The following STK38L variants were observed in gnomAD, a reference collection of about 807,000 sequenced individuals.
STK38L encodes serine/threonine-protein kinase 38-like.
In STK38L, 28 loss-of-function variants were observed where a neutral mutation model predicts 59.7. That is an observed-to-expected ratio of 0.47 (90% CI 0.35 to 0.64). The LOEUF is 0.64. Ranked by LOEUF, STK38L falls within the 30% of genes least tolerant of loss-of-function variation. The pLI is 0.01. For missense variants in STK38L, 314 were observed against 555.8 expected (o/e 0.56, Z 4.37); for synonymous variants, 162 against 176.8 (o/e 0.92, Z 0.66).
At chr12:27,292,850 AACCTC>A (rs1387352556) in intron 1 of STK38L, among the ~76,000 whole-genome samples, 11 of 152,228 alleles carry the variant, frequency 7.2e-5, no homozygotes, top group Non-Finnish European at 1.3e-4. Flanking sequence ...TGATGGAAGA[AACCTC>A]ATCTTCTATT....
rs76543792 is a variant in STK38L, at chr12:27,294,723, T to C, written c.-11-2987T>C. ...TCCTTCTTTGACCTTTTTTTTTTTT[T>C]CCAGTTAGAGACAGGGTCTTGCTCC... On this transcript the variant is annotated intron_variant, in intron 1 of 13. Transcript: ENST00000389032. Among the ~76,000 whole-genome samples, 31 of 149,976 alleles carry C rather than the reference T, an allele frequency of 2.1e-4. No individual in the cohort carries two copies. The Middle Eastern group carries it at 0.01, about 50-fold the overall frequency.
intron 2 of STK38L, 66 bp from the exon 3 acceptor site, chr12:27,302,071 G>T: frequency 1.0e-5 from 13 of 1,240,382 alleles, no homozygotes; most frequent in Admixed American, 2.1e-5. Context: ...ATAAATAAAT[G>T]TATATTTCTT....
At chr12:27,317,868 A>G in intron 10 of STK38L, 28 bp from the exon 11 acceptor site, 1 of 1,611,196 alleles carries the variant, frequency 6.2e-7, no homozygotes, top group Non-Finnish European at 8.5e-7. Context: ...AAAGCTGATG[A>G]AACATTTTTG....
In STK38L at chr12:27,312,564, G is replaced by A; in HGVS notation, c.409G>A (p.Ala137Thr). The change falls in exon 6 of 14, where the codon GCA (alanine) becomes ACA (threonine). Residue 137 changes from alanine (A) to threonine (T), a missense_variant. Around this residue, in one of 3 missense-constraint regions of STK38L, gnomAD observed 192 missense variants for 316.9 expected, o/e 0.61. Coordinates refer to ENST00000389032, the MANE Select transcript of STK38L (RefSeq NM_015000.4). ...ATTCATCTAGGTGGCCCATATCCGA[G>A]CAGAAAGAGATATTTTGGTAGAAGC... is the stretch of plus-strand genomic sequence containing the variant. Reference protein sequence around the residue: ...LEKEQVAHIRAERDILVEADG... With the variant: ...LEKEQVAHIRTERDILVEADG... The A allele has an allele frequency of 6.2e-7, 1 of 1,613,880 alleles. No individual in the cohort carries two copies.
intron 1 of STK38L, among the ~76,000 whole-genome samples, chr12:27,263,582 G>C (rs1043051358): frequency 1.3e-5 from 2 of 152,170 alleles, no homozygotes; most frequent in Non-Finnish European, 2.9e-5. Flanking sequence ...TCATCATAAT[G>C]TGCTTAAAGA....
chr12:27,258,969 C>T (rs79598045), intron 1 of STK38L, among the ~76,000 whole-genome samples: 2 of 151,950 alleles, frequency 1.3e-5, no homozygotes, highest in Admixed American at 6.5e-5. Context: ...GCCCATCTCT[C>T]TTCCTCTCAG....
intron 6 of STK38L, 142 bp downstream of exon 6, chr12:27,312,814 T>C: frequency 1.0e-6 from 1 of 964,832 alleles, no homozygotes; most frequent in Non-Finnish European, 1.5e-6. Flanking sequence ...TACTACCATA[T>C]TGATGCTCAT....
At chr12:27,263,485 G>T (rs1160085482) in intron 1 of STK38L, among the ~76,000 whole-genome samples, 6 of 152,192 alleles carry the variant, frequency 3.9e-5, no homozygotes, top group Non-Finnish European at 8.8e-5. Flanking sequence ...ATGCTTTGAG[G>T]ACCCCAGTGA....
At chr12:27,301,030 A>G (rs551337695) in intron 2 of STK38L, among the ~76,000 whole-genome samples, 10 of 152,316 alleles carry the variant, frequency 6.6e-5, no homozygotes, top group African/African-American at 2.4e-4. Flanking sequence ...TGCTAGGTTT[A>G]TATTTAGGGA....
chr12:27,277,210 C>T (rs1187190462), intron 1 of STK38L, among the ~76,000 whole-genome samples: 5 of 151,342 alleles, frequency 3.3e-5, no homozygotes, highest in East Asian at 1.9e-4. Context: ...CTTTGTTCCT[C>T]GATTTAATTT....
chr12:27,303,075 T>G (rs1191600091), intron 3 of STK38L, among the ~76,000 whole-genome samples: 2 of 150,684 alleles, frequency 1.3e-5, no homozygotes, highest in Non-Finnish European at 3.0e-5. Context: ...TATCTCTCTC[T>G]AGCCTCATCT....
intron 2 of STK38L, among the ~76,000 whole-genome samples, chr12:27,301,042 A>G (rs958064505): frequency 1.3e-5 from 2 of 152,208 alleles, no homozygotes; most frequent in African/African-American, 4.8e-5. Context: ...ATTTAGGGAA[A>G]ACCAATACAA....
At chr12:27,251,972 T>A (rs1033288762) in intron 1 of STK38L, among the ~76,000 whole-genome samples, 1 of 150,756 alleles carries the variant, frequency 6.6e-6, no homozygotes, top group African/African-American at 2.5e-5. Context: ...CTTGCTGAGG[T>A]ATCTTACAGT....
chr12:27,307,987 C>T (rs1362882844), intron 3 of STK38L, among the ~76,000 whole-genome samples: 1 of 152,064 alleles, frequency 6.6e-6, no homozygotes, highest in East Asian at 1.9e-4. Flanking sequence ...TGAAGCAAAG[C>T]AGATTTCCTG....
intron 1 of STK38L, among the ~76,000 whole-genome samples, chr12:27,244,789 A>G (rs778693276): frequency 2.0e-5 from 3 of 152,124 alleles, no homozygotes; most frequent in Non-Finnish European, 4.4e-5. Flanking sequence ...CTAAAAACTG[A>G]TGCGTCAGAT....
At chr12:27,263,254 G>A (rs1943239560) in intron 1 of STK38L, among the ~76,000 whole-genome samples, 1 of 152,242 alleles carries the variant, frequency 6.6e-6, no homozygotes. Flanking sequence ...TCAGTTGGCA[G>A]TTACCACCTC....
At chr12:27,281,760 C>T (rs1943663932) in intron 1 of STK38L, among the ~76,000 whole-genome samples, 1 of 152,056 alleles carries the variant, frequency 6.6e-6, no homozygotes. Context: ...TGAGGCGAGG[C>T]ACGGTGCCTC....
chr12:27,299,892 A>G (rs1295685588), intron 2 of STK38L, among the ~76,000 whole-genome samples: 1 of 152,180 alleles, frequency 6.6e-6, no homozygotes, highest in African/African-American at 2.4e-5. Flanking sequence ...AATAAGTTAG[A>G]AATAAAAATC....
intron 6 of STK38L, among the ~76,000 whole-genome samples, chr12:27,313,939 A>T (rs552026020): frequency 6.6e-6 from 1 of 152,164 alleles, no homozygotes; most frequent in Non-Finnish European, 1.5e-5. Context: ...AGTTAATTCT[A>T]GAAGTTGAGT....
Sources: allele counts gnomAD v4.1 joint callset (sites outside exome capture counted in the v4.1 genomes callset), GRCh38; gene constraint gnomAD v4.1.1; regional missense constraint gnomAD v4.1.1; transcripts MANE v1.5; gene names NCBI Gene and HGNC (gene_info 2026-07-23, HGNC 2026-07-21).